CDK14: variants seen among roughly 807,000 people sequenced by gnomAD.
CDK14 encodes cyclin-dependent kinase 14.
A neutral mutation model predicts 60.7 loss-of-function variants in CDK14; 34 were observed. That is an observed-to-expected ratio of 0.56 (90% CI 0.43 to 0.75). The LOEUF is 0.75. Among genes scored for constraint, CDK14 ranks in the 30% least tolerant of loss-of-function variants. The pLI is 0.00. For missense variants in CDK14, 482 were observed against 564.1 expected (o/e 0.85, Z 1.47); for synonymous variants, 197 against 203.7 (o/e 0.97, Z 0.28).
At position 90,682,077 on chromosome 7, in the gene CDK14, C is replaced by T. The variant is rs575356370; in HGVS notation, c.124-44490C>T. Among the ~76,000 whole-genome samples, 3 of 152,204 alleles carry T rather than the reference C, an allele frequency of 2.0e-5. No homozygotes were observed. In the South Asian group the frequency reaches 6.2e-4, roughly 32 times the overall value. ...ATTTTACATCCTTTACCTGTATCTG[C>T]ATTAATTACCTGTATCTGTTTATGC... On this transcript the variant is annotated intron_variant, in intron 2 of 14. Transcript: ENST00000380050.
chr7:90,659,837 TTCTC>T (rs58582287), intron 2 of CDK14, among the ~76,000 whole-genome samples: 3,496 of 110,370 alleles, frequency 0.032, 111 homozygotes, highest in East Asian at 0.086. Context: ...CAGGGAATGC[TTCTC>T]TCTCTCTCTC....
chr7:90,862,091 C>T (rs538182572), intron 5 of CDK14, among the ~76,000 whole-genome samples: 1 of 151,734 alleles, frequency 6.6e-6, no homozygotes, highest in Admixed American at 6.6e-5. Context: ...GAACTTCTGG[C>T]AAGAATAGAA....
chr7:90,916,001 T>C (rs1793067860), intron 7 of CDK14, among the ~76,000 whole-genome samples: 1 of 152,210 alleles, frequency 6.6e-6, no homozygotes, highest in Non-Finnish European at 1.5e-5. Flanking sequence ...GCAAACTGTT[T>C]CCTTTCAAAA....
rs558812042 is a variant in CDK14 at position 90,714,713 on chromosome 7, TC to T, written c.124-11852del. Among the ~76,000 whole-genome samples the T allele has an allele frequency of 1.8e-4, 28 of 152,216 alleles. 1 individual carries two copies. The East Asian group carries it at 5.2e-3, about 28-fold the overall frequency. On this transcript the variant is annotated intron_variant, in intron 2 of 14. Transcript: ENST00000380050. ...CTATATTGAGTGATGCCCTATATTT[TC>T]CTGAACACTTTGATGGAGTTTGCAT... is the stretch of plus-strand genomic sequence containing the variant.
At chr7:90,747,195 A>G (rs1803629481) in intron 3 of CDK14, among the ~76,000 whole-genome samples, 1 of 152,196 alleles carries the variant, frequency 6.6e-6, no homozygotes, top group Admixed American at 6.5e-5. Context: ...AACCATTAGA[A>G]AAGGTAAAAA....
chr7:90,892,539 G>A (rs1792167389), intron 6 of CDK14, among the ~76,000 whole-genome samples: 1 of 151,992 alleles, frequency 6.6e-6, no homozygotes, highest in African/African-American at 2.4e-5. Context: ...TTAACAAGGG[G>A]TTATTTTTCT....
intron 2 of CDK14, among the ~76,000 whole-genome samples, chr7:90,700,943 T>C (rs1801771358): frequency 6.6e-6 from 1 of 152,202 alleles, no homozygotes; most frequent in African/African-American, 2.4e-5. Context: ...GGTTGGTAAA[T>C]GAATAGAACA....
intron 10 of CDK14, among the ~76,000 whole-genome samples, chr7:90,999,085 A>G (rs1022174681): frequency 6.6e-6 from 1 of 151,966 alleles, no homozygotes; most frequent in Non-Finnish European, 1.5e-5. Context: ...CAGTTCCATC[A>G]TGGGGGAGTT....
At chr7:90,832,720 A>G (rs1416976096) in intron 5 of CDK14, among the ~76,000 whole-genome samples, 1 of 152,210 alleles carries the variant, frequency 6.6e-6, no homozygotes, top group East Asian at 1.9e-4. Context: ...TTTCCTCTAC[A>G]TTATCTTAAG....
intron 10 of CDK14, among the ~76,000 whole-genome samples, chr7:90,986,546 G>C (rs1008815363): frequency 1.3e-5 from 2 of 151,856 alleles, no homozygotes; most frequent in Admixed American, 6.6e-5. Context: ...TGTACAGTTT[G>C]TATAAACATG....
At chr7:90,857,125 A>C (rs1412191578) in intron 5 of CDK14, among the ~76,000 whole-genome samples, 25 of 151,258 alleles carry the variant, frequency 1.7e-4, no homozygotes, top group East Asian at 5.8e-4. Flanking sequence ...GAAAAAAAAA[A>C]CACACCACTA....
chr7:91,105,073 C>T (rs534055287), intron 12 of CDK14, among the ~76,000 whole-genome samples: 2 of 152,294 alleles, frequency 1.3e-5, no homozygotes, highest in Admixed American at 6.5e-5. Flanking sequence ...GGATACAATA[C>T]ACCAAGCACG....
intron 8 of CDK14, among the ~76,000 whole-genome samples, chr7:90,943,432 G>GT (rs1428257193): frequency 6.6e-6 from 1 of 152,058 alleles, no homozygotes; most frequent in Non-Finnish European, 1.5e-5. Context: ...TAATATAAAA[G>GT]TTTAGAGGAG....
chr7:90,740,265 A>ATC (rs1241615206), intron 3 of CDK14, among the ~76,000 whole-genome samples: 1 of 115,508 alleles, frequency 8.7e-6, no homozygotes, highest in African/African-American at 2.9e-5. Flanking sequence ...ATATATATAT[A>ATC]TATATAGAGA....
Position 90,933,353 on chromosome 7 carries a change from G to A in CDK14, c.826+15629G>A, listed in dbSNP as rs1020094924. 3.6e-4 allele frequency among the ~76,000 whole-genome samples: 54 copies of A among 152,082 alleles called. 2 individuals carry two copies. The highest frequency in any genetic ancestry group is 2.2e-4 in the Non-Finnish European group (15 of 68,006). On this transcript the variant is annotated intron_variant, in intron 8 of 14. Transcript: ENST00000380050. ...CCTTAGGGTGTAAAGATTTATAAACGGTATTGATAATGATGATGATTAATG... is the reference window on the plus strand; with the variant it reads ...CCTTAGGGTGTAAAGATTTATAAACAGTATTGATAATGATGATGATTAATG...
intron 5 of CDK14, among the ~76,000 whole-genome samples, chr7:90,836,831 A>C: frequency 6.6e-6 from 1 of 152,232 alleles, no homozygotes; most frequent in Non-Finnish European, 1.5e-5. Flanking sequence ...AGTAGGGGCT[A>C]GACATTTTTA....
chr7:90,809,710 G>A (rs1326297096), intron 5 of CDK14, among the ~76,000 whole-genome samples: 1 of 152,090 alleles, frequency 6.6e-6, no homozygotes, highest in Non-Finnish European at 1.5e-5. Flanking sequence ...CAACAAAATT[G>A]ATAGACCGCT....
At chr7:91,100,385 G>C (rs1356306657) in intron 12 of CDK14, among the ~76,000 whole-genome samples, 2 of 152,208 alleles carry the variant, frequency 1.3e-5, no homozygotes, top group Non-Finnish European at 2.9e-5. Context: ...AAGCAATGTA[G>C]TGAAGCAGTT....
chr7:90,944,835 T>C, intron 8 of CDK14, among the ~76,000 whole-genome samples: 1 of 152,186 alleles, frequency 6.6e-6, no homozygotes, highest in East Asian at 1.9e-4. Flanking sequence ...GCTGTGTTTA[T>C]CTGTTAAGTG....
Sources: allele counts gnomAD v4.1 joint callset (sites outside exome capture counted in the v4.1 genomes callset), GRCh38; gene constraint gnomAD v4.1.1; transcripts MANE v1.5; gene names NCBI Gene and HGNC (gene_info 2026-07-23, HGNC 2026-07-21).